The following TENM4 variants were observed in gnomAD, a reference collection of about 807,000 sequenced individuals.
TENM4 encodes the protein teneurin-4.
A neutral mutation model predicts 243.3 loss-of-function variants in TENM4; 82 were observed. The ratio of observed to expected loss-of-function variants is 0.34; its 90% CI spans 0.28 to 0.40. The LOEUF (loss-of-function observed/expected upper bound fraction) is 0.40. Ranked by LOEUF, TENM4 falls within the 10% of genes least tolerant of loss-of-function variation. The probability of loss-of-function intolerance (pLI) is 1.00; values close to 1 mark genes in which losing one functional copy is unlikely to be tolerated. For synonymous variants in TENM4, 1,412 were observed against 1,456.3 expected (o/e 0.97, Z 0.69); for missense variants, 3,138 against 3,673.3 (o/e 0.85, Z 3.77).
chr11:78,694,065 TG>T, intron 28 of TENM4, among the ~76,000 whole-genome samples: 1 of 152,182 alleles, frequency 6.6e-6, no homozygotes, highest in East Asian at 1.9e-4. Flanking sequence ...AGAAGAGGAT[TG>T]TCAAAGGACA....
intron 3 of TENM4, among the ~76,000 whole-genome samples, chr11:79,150,310 G>T (rs1171345392): frequency 6.6e-6 from 1 of 152,132 alleles, no homozygotes; most frequent in African/African-American, 2.4e-5. Flanking sequence ...AATAAGCCTG[G>T]TGTTAGGTCT....
chr11:79,320,171 G>A (rs1856864710), intron 1 of TENM4, among the ~76,000 whole-genome samples: 1 of 152,162 alleles, frequency 6.6e-6, no homozygotes, highest in Admixed American at 6.5e-5. Context: ...AGTGAAACTG[G>A]ATGCAAGCGT....
At chr11:79,139,019 T>TAAATATATA (rs1565220047) in intron 4 of TENM4, among the ~76,000 whole-genome samples, 3 of 29,648 alleles carry the variant, frequency 1.0e-4, no homozygotes, top group Non-Finnish European at 2.2e-4. Context: ...TATATTTCTA[T>TAAATATATA]AAATATATAT....
intron 12 of TENM4, among the ~76,000 whole-genome samples, chr11:78,848,740 C>T (rs1281413903): frequency 6.6e-6 from 1 of 152,124 alleles, no homozygotes; most frequent in Non-Finnish European, 1.5e-5. Flanking sequence ...CTATGAGCTA[C>T]TTTTGCCAGA....
At position 79,069,890 on chromosome 11, in the gene TENM4, C is replaced by G. The variant is rs750883732; in HGVS notation, c.55G>C (p.Glu19Gln). 315 of 1,548,312 alleles carry G rather than the reference C, an allele frequency of 2.0e-4. 1 individual carries two copies. The highest frequency in any genetic ancestry group is 2.6e-4 in the Non-Finnish European group (302 of 1,146,710). Residue 19 changes from glutamate to glutamine, a missense_variant, in exon 5 of 34, where the codon GAG (glutamate) becomes CAG (glutamine). Coordinates refer to ENST00000278550, the MANE Select transcript of TENM4 (RefSeq NM_001098816.3). ...YRSLTRRRDA[E>Q]RRYTSSSADS... The stretch of plus-strand genomic sequence containing the variant: ...GCGGACGAGCTGGTGTAGCGGCGCT[C>G]GGCGTCGCGGCGCCGGGTCAGCGAG...
intron 19 of TENM4, among the ~76,000 whole-genome samples, chr11:78,746,958 G>A (rs1208385148): frequency 6.6e-6 from 1 of 152,158 alleles, no homozygotes; most frequent in East Asian, 1.9e-4. Flanking sequence ...GGCAGGTCCT[G>A]CTTCACCAGG....
chr11:79,143,419 C>A (rs186106074), intron 4 of TENM4, among the ~76,000 whole-genome samples: 61 of 152,102 alleles, frequency 4.0e-4, no homozygotes, highest in African/African-American at 1.4e-3. Context: ...AGCAAACTAT[C>A]GCAAGGACAG....
chr11:79,042,679 T>C (rs367981400), intron 6 of TENM4, among the ~76,000 whole-genome samples: 93 of 152,324 alleles, frequency 6.1e-4, no homozygotes, highest in African/African-American at 2.1e-3. Context: ...GATTAAGACA[T>C]GCCCCAGTCA....
At chr11:78,840,940 A>G (rs1858244517) in intron 12 of TENM4, among the ~76,000 whole-genome samples, 1 of 152,238 alleles carries the variant, frequency 6.6e-6, no homozygotes, top group Non-Finnish European at 1.5e-5. Context: ...AAAGAAAATA[A>G]GAGTTGTTCC....
intron 4 of TENM4, among the ~76,000 whole-genome samples, chr11:79,091,151 T>C (rs1860938908): frequency 6.6e-6 from 1 of 152,202 alleles, no homozygotes; most frequent in Non-Finnish European, 1.5e-5. Context: ...GGGCTTCCAT[T>C]TCGAGTTTCA....
rs1862862703 is a variant in TENM4, at chr11:79,164,529, C to CTATATATA, written c.-162-15724_-162-15723insTATATATA. On this transcript the variant is annotated intron_variant, in intron 3 of 33. Transcript: ENST00000278550. ...ATACACTATACATACTATATATATA[C>CTATATATA]TATATAGTACTATATATATCTATAT... is the stretch of plus-strand genomic sequence containing the variant. 3.0e-5 allele frequency among the ~76,000 whole-genome samples: 4 copies of CTATATATA among 134,928 alleles called. No homozygotes were observed. The East Asian group carries it at 9.2e-4, about 31-fold the overall frequency. 88.5% of individuals were successfully genotyped at this position (134,928 alleles called of 152,430 possible).
intron 26 of TENM4, among the ~76,000 whole-genome samples, chr11:78,710,697 T>G (rs1004102714): frequency 6.6e-6 from 1 of 152,184 alleles, no homozygotes; most frequent in Non-Finnish European, 1.5e-5. Flanking sequence ...AATTACCTAA[T>G]TTTTCTCCTT....
chr11:78,920,143 A>G lies in TENM4; in HGVS notation c.494-16620T>C, dbSNP rs139603817. On this transcript the variant is annotated intron_variant, in intron 6 of 33. Coordinates refer to ENST00000278550, the MANE Select transcript of TENM4 (RefSeq NM_001098816.3). ...AGCAGGAATCACTCTCTCAAACCTC[A>G]TCAACATCTCAGCAGATGTTCACTA... Among the ~76,000 whole-genome samples the G allele has an allele frequency of 7.2e-5, 11 of 152,258 alleles. No individual in the cohort carries two copies. In the East Asian group the frequency reaches 2.1e-3, roughly 29 times the overall value.
chr11:78,726,151 C>A lies in TENM4; in HGVS notation c.3478G>T (p.Gly1160Cys), dbSNP rs530364831. The A allele has an allele frequency of 6.2e-6, 10 of 1,613,884 alleles. No individual in the cohort carries two copies. Among genetic ancestry groups the A allele is most frequent in the Non-Finnish European group, 8.5e-6 (10 of 1,179,902 alleles). ...LWEKRTTVLQGYEIDASKLGG... is the reference protein window; with the variant it reads ...LWEKRTTVLQCYEIDASKLGG... ...AGCTTGGACGCGTCAATTTCATAGC[C>A]CTGCAGCACTGTTGTTCTTTTTTCC... The change falls in exon 23 of 34, where the codon GGC becomes TGC. Residue 1160 changes from glycine (G) to cysteine (C), a missense_variant. Gly to Cys is a radical substitution (Grantham distance 159). Around this residue, in one of 2 missense-constraint regions of TENM4, gnomAD observed 2,467 missense variants for 3,059.1 expected, o/e 0.81. Transcript: ENST00000278550.
Position 78,889,896 on chromosome 11 carries a change from G to A in TENM4, c.973C>T (p.Arg325Trp), listed in dbSNP as rs769064934. ...GGCTTCTTGAGGTTAAAGGCCGGCC[G>A]GGCGAAGGTGCTGCGGGGCAGGGGT... Reference protein sequence around the residue: ...PRPLPRSTFARPAFNLKKPSK... With the variant: ...PRPLPRSTFAWPAFNLKKPSK... The change falls in exon 9 of 34, where the codon CGG (arginine) becomes TGG (tryptophan). Residue 325 changes from arginine (R) to tryptophan (W), a missense_variant. Coordinates refer to ENST00000278550, the MANE Select transcript of TENM4 (RefSeq NM_001098816.3). 6.4e-6 allele frequency: 10 copies of A among 1,551,674 alleles called. No homozygotes were observed. The highest frequency in any genetic ancestry group is 5.9e-5 in the Admixed American group (3 of 50,986).
chr11:79,412,032 C>T (rs1858712041), intron 1 of TENM4, among the ~76,000 whole-genome samples: 2 of 152,236 alleles, frequency 1.3e-5, no homozygotes. Flanking sequence ...GCCACAACCA[C>T]AGAGCTGCAC....
chr11:78,872,639 C>T (rs959945203), intron 9 of TENM4, among the ~76,000 whole-genome samples: 4 of 152,330 alleles, frequency 2.6e-5, no homozygotes, highest in African/African-American at 7.2e-5. Context: ...TCCCCTCCCT[C>T]ACCTGTGTTA....
At chr11:79,105,553 G>C (rs1343531836) in intron 4 of TENM4, among the ~76,000 whole-genome samples, 2 of 152,202 alleles carry the variant, frequency 1.3e-5, no homozygotes, top group Non-Finnish European at 2.9e-5. Context: ...TGTTGCTCCT[G>C]ATGCTGGGAA....
At chr11:79,246,459 T>C (rs1855516412) in intron 2 of TENM4, among the ~76,000 whole-genome samples, 1 of 152,136 alleles carries the variant, frequency 6.6e-6, no homozygotes, top group Non-Finnish European at 1.5e-5. Context: ...ATCAGCATTC[T>C]CAAAAGACTT....
Sources: gnomAD v4.1 joint callset for allele counts (sites outside exome capture counted in the v4.1 genomes callset) on GRCh38, gnomAD v4.1.1 for gene constraint, gnomAD v4.1.1 regional missense constraint, MANE v1.5 for transcripts, NCBI Gene and HGNC (gene_info 2026-07-23, HGNC 2026-07-21) for gene names.